ISY1: variants seen among roughly 807,000 people sequenced by gnomAD.
ISY1 encodes ISY1 spliceosome associated protein, also known as pre-mRNA-splicing factor ISY1 homolog.
ISY1 carries 12 observed loss-of-function variants against 54.4 expected under a neutral mutation model. The observed-to-expected ratio is 0.22, with a 90% CI of 0.14 to 0.36. The LOEUF (loss-of-function observed/expected upper bound fraction) is 0.36. ISY1 is among the 10% of genes least tolerant of loss of function. The pLI, the probability that ISY1 is intolerant of heterozygous loss-of-function variation, is 1.00. For synonymous variants in ISY1, 96 were observed against 117.9 expected, an observed-to-expected ratio of 0.81 and a Z score of 1.20; for missense variants, 282 against 342.2, an observed-to-expected ratio of 0.82 and a Z score of 1.39.
At chr3:129,151,919 G>A (rs1244581190) in intron 5 of ISY1, among the ~76,000 whole-genome samples, 1 of 152,118 alleles carries the variant, frequency 6.6e-6, no homozygotes, top group Non-Finnish European at 1.5e-5. Context: ...AGCTCTTAGG[G>A]AGGCCAAGGT....
At position 129,153,504 on chromosome 3, in the gene ISY1, C is replaced by T. The variant is rs184996668; in HGVS notation, c.187+3129G>A. 1.7e-4 allele frequency among the ~76,000 whole-genome samples: 26 copies of T among 152,228 alleles called. No individual in the cohort carries two copies. The East Asian group carries it at 2.9e-3, about 17-fold the overall frequency. ...GTAACAATCAAAAATTTCTTCAGGG[C>T]TGGGCGCAGTGGCTCAAGCCTGTAA... On this transcript the variant is annotated intron_variant, in intron 5 of 10. Coordinates refer to ENST00000393295, the MANE Select transcript of ISY1 (RefSeq NM_020701.4).
At chr3:129,148,217 G>A (rs1936833461) in intron 5 of ISY1, among the ~76,000 whole-genome samples, 1 of 152,130 alleles carries the variant, frequency 6.6e-6, no homozygotes, top group Admixed American at 6.6e-5. Context: ...CCTTTGGGTT[G>A]CTTCCAGTTT....
intron 6 of ISY1, 44 bp from the exon 7 acceptor site, chr3:129,140,529 T>G: frequency 6.5e-7 from 1 of 1,538,208 alleles, no homozygotes. Context: ...GTTAGTTAGT[T>G]AGTTAGTTAT....
At chr3:129,146,068 C>T (rs1936757967) in intron 5 of ISY1, among the ~76,000 whole-genome samples, 195 bp from the exon 6 acceptor site, 1 of 151,782 alleles carries the variant, frequency 6.6e-6, no homozygotes, top group Non-Finnish European at 1.5e-5. Context: ...AGAGTTCCCA[C>T]TAGCGTAAGA....
At chr3:129,134,758 G>T in intron 8 of ISY1, 74 bp downstream of exon 8, 1 of 1,508,398 alleles carries the variant, frequency 6.6e-7, no homozygotes, top group African/African-American at 1.4e-5. Context: ...AAGCACTATT[G>T]AAAATCCTGT....
intron 10 of ISY1, 55 bp from the exon 11 acceptor site, chr3:129,130,243 C>T: frequency 6.6e-7 from 1 of 1,524,582 alleles, no homozygotes; most frequent in Non-Finnish European, 8.8e-7. Flanking sequence ...TCAACCCCTG[C>T]CAGACCCAGC....
chr3:129,160,284 T>C (rs1041806097), intron 1 of ISY1, among the ~76,000 whole-genome samples: 3 of 152,074 alleles, frequency 2.0e-5, no homozygotes, highest in Non-Finnish European at 4.4e-5. Flanking sequence ...GGGCTTCACT[T>C]AATGAAAATA....
Position 129,139,711 on chromosome 3 carries a change from C to T in ISY1, c.418+657G>A, listed in dbSNP as rs370636007. Among the ~76,000 whole-genome samples, 79 of 151,962 alleles carry T rather than the reference C, an allele frequency of 5.2e-4. 1 individual carries two copies. The highest frequency in any genetic ancestry group is 1.7e-3 in the African/African-American group (69 of 41,436). On this transcript the variant is annotated intron_variant, in intron 7 of 10. Transcript: ENST00000393295. ...AGGCTGGAGTGCAATGGCACGATCT[C>T]GGCTCACCGCAACCTCCACCCCTCA...
Position 129,130,191 on chromosome 3 carries a change from G to A in ISY1, c.751-3C>T, listed in dbSNP as rs1457066068. The A allele has an allele frequency of 1.2e-6, 2 of 1,602,632 alleles. No homozygotes were observed. The highest frequency in any genetic ancestry group is 8.5e-7 in the Non-Finnish European group (1 of 1,175,384). On this transcript the variant is annotated splice_region_variant and splice_polypyrimidine_tract_variant and intron_variant, in intron 10 of 10. Coordinates refer to ENST00000393295, the MANE Select transcript of ISY1 (RefSeq NM_020701.4). ...CTTCGCACCAGTGCCTCCTCAATCT[G>A]TGGAAATTAAGAGTGCAGGGCTCAC...
At chr3:129,159,493 G>C (rs1010475326) in intron 1 of ISY1, among the ~76,000 whole-genome samples, 2 of 151,996 alleles carry the variant, frequency 1.3e-5, no homozygotes, top group African/African-American at 4.8e-5. Context: ...TTCCCAGTTA[G>C]GCTGGTGTCC....
intron 4 of ISY1, 69 bp from the exon 5 acceptor site, chr3:129,156,744 C>A (rs192452792): frequency 1.2e-4 from 193 of 1,552,288 alleles, no homozygotes; most frequent in Non-Finnish European, 1.5e-4. Context: ...AACTATAATT[C>A]AAAATTAGTA....
intron 5 of ISY1, among the ~76,000 whole-genome samples, chr3:129,153,627 CAAA>C (rs1032137707): frequency 6.7e-6 from 1 of 149,590 alleles, no homozygotes; most frequent in African/African-American, 2.5e-5. Flanking sequence ...ACTAAAAATA[CAAA>C]AAAAAATTAG....
rs1482642489 is a variant in ISY1, at chr3:129,130,607, T to C, written c.693A>G (p.Gly231=). 1 of 1,614,154 alleles carries C rather than the reference T, an allele frequency of 6.2e-7. No individual in the cohort carries two copies. Among genetic ancestry groups the C allele is most frequent in the Non-Finnish European group, 8.5e-7 (1 of 1,180,016 alleles). The change falls in exon 10 of 11, where the codon GGA becomes GGG. Residue 231 remains glycine (G), a synonymous_variant. Coordinates refer to ENST00000393295, the MANE Select transcript of ISY1 (RefSeq NM_020701.4). The part of the protein sequence containing the change: ...ESDEEGSQEK[G]GDDSQQKFIA... ...TGAACTTCTGCTGGCTGTCGTCCCC[T>C]CCTTTCTCCTGGCTGCCTTCCTCGT...
At chr3:129,156,827 A>G (rs376768680) in intron 4 of ISY1, 28 bp downstream of exon 4, 2 of 1,607,486 alleles carry the variant, frequency 1.2e-6, no homozygotes, top group Non-Finnish European at 1.7e-6. Flanking sequence ...TGTTACTTCT[A>G]CTGAAATCAG....
In ISY1 at chr3:129,156,623, G is replaced by A. The variant is rs773895748; in HGVS notation, c.187+10C>T. 4.3e-6 allele frequency: 7 copies of A among 1,611,278 alleles called. No homozygotes were observed. The South Asian group carries it at 7.8e-5, about 18-fold the overall frequency. Reference sequence around the variant, plus strand: ...AGAATCAAGCACTTTAAAGGAACAAGTTTGCTTACCATTCTGAATCTGAGC... The same window carrying A: ...AGAATCAAGCACTTTAAAGGAACAAATTTGCTTACCATTCTGAATCTGAGC... On this transcript the variant is annotated intron_variant, in intron 5 of 10. Coordinates refer to ENST00000393295, the MANE Select transcript of ISY1 (RefSeq NM_020701.4).
chr3:129,142,015 G>A (rs1322476785), intron 6 of ISY1, among the ~76,000 whole-genome samples: 1 of 151,912 alleles, frequency 6.6e-6, no homozygotes, highest in East Asian at 1.9e-4. Context: ...GACCAGCCTG[G>A]CCAACATGGT....
chr3:129,142,613 T>TA (rs1936653848), intron 6 of ISY1, among the ~76,000 whole-genome samples: 1 of 152,232 alleles, frequency 6.6e-6, no homozygotes, highest in South Asian at 2.1e-4. Context: ...AACATTTTTT[T>TA]AAATCATACA....
intron 7 of ISY1, among the ~76,000 whole-genome samples, chr3:129,138,657 A>G (rs1936508089): frequency 1.3e-5 from 2 of 151,172 alleles, no homozygotes; most frequent in African/African-American, 4.9e-5. Context: ...AACAAAAAAA[A>G]GATACAAATT....
chr3:129,131,701 C>T (rs1936242238), intron 9 of ISY1, among the ~76,000 whole-genome samples: 1 of 152,228 alleles, frequency 6.6e-6, no homozygotes, highest in Non-Finnish European at 1.5e-5. Context: ...GTGTCAAGGC[C>T]ATCGTGAAAG....
Sources: allele counts gnomAD v4.1 joint callset (sites outside exome capture counted in the v4.1 genomes callset), GRCh38; gene constraint gnomAD v4.1.1; transcripts MANE v1.5; gene names NCBI Gene and HGNC (gene_info 2026-07-23, HGNC 2026-07-21).